ADGRB3: variants seen among roughly 807,000 people sequenced by gnomAD.
The protein encoded by ADGRB3 is adhesion G protein-coupled receptor B3, also known as brain-specific angiogenesis inhibitor 3.
Under a neutral mutation model 193.4 loss-of-function variants are expected in ADGRB3, and 37 were observed. That is an observed-to-expected ratio of 0.19 (90% confidence interval 0.15 to 0.25). The LOEUF is 0.25. Among genes scored for constraint, ADGRB3 ranks in the 10% least tolerant of loss-of-function variants. ADGRB3 has a pLI of 1.00. For synonymous variants in ADGRB3, 690 were observed against 644.2 expected (o/e 1.07, Z -1.08); for missense variants, 1,637 against 1,852.9 (o/e 0.88, Z 2.14).
At chr6:68,838,378 A>G (rs936656474) in intron 3 of ADGRB3, among the ~76,000 whole-genome samples, 3 of 152,210 alleles carry the variant, frequency 2.0e-5, no homozygotes, top group Non-Finnish European at 4.4e-5. Context: ...GCAGCAATTT[A>G]CCTCATTTTC....
intron 3 of ADGRB3, among the ~76,000 whole-genome samples, chr6:68,865,402 C>T (rs762056421): frequency 1.3e-5 from 2 of 152,076 alleles, no homozygotes; most frequent in Non-Finnish European, 2.9e-5. Flanking sequence ...TCTTTCTTGC[C>T]TCACCTCTCT....
chr6:69,247,391 G>A (rs1223488368), intron 20 of ADGRB3, among the ~76,000 whole-genome samples: 2 of 152,088 alleles, frequency 1.3e-5, no homozygotes, highest in African/African-American at 4.8e-5. Context: ...TTCTGGCTTG[G>A]CAACAAGAGC....
At chr6:69,252,822 G>T (rs1766653227) in intron 20 of ADGRB3, among the ~76,000 whole-genome samples, 1 of 151,920 alleles carries the variant, frequency 6.6e-6, no homozygotes, top group Non-Finnish European at 1.5e-5. Flanking sequence ...AAAATAGTTT[G>T]TGTTTATGAC....
At chr6:69,173,186 T>C (rs1775332429) in intron 17 of ADGRB3, among the ~76,000 whole-genome samples, 1 of 152,152 alleles carries the variant, frequency 6.6e-6, no homozygotes, top group African/African-American at 2.4e-5. Flanking sequence ...TATGGGCATG[T>C]ACCACCACGT....
chr6:69,006,332 A>AG (rs1461659247), intron 11 of ADGRB3, among the ~76,000 whole-genome samples: 1 of 151,926 alleles, frequency 6.6e-6, no homozygotes, highest in Non-Finnish European at 1.5e-5. Flanking sequence ...GGAAAAAAAA[A>AG]CGAGATCTAC....
intron 22 of ADGRB3, among the ~76,000 whole-genome samples, 162 bp from the exon 23 acceptor site, chr6:69,330,344 T>C (rs1466004311): frequency 1.3e-5 from 2 of 152,226 alleles, no homozygotes; most frequent in African/African-American, 2.4e-5. Context: ...AATGATATAA[T>C]TCTAGTTTTT....
intron 17 of ADGRB3, 65 bp downstream of exon 17, chr6:69,076,103 A>G: frequency 3.6e-6 from 5 of 1,392,086 alleles, no homozygotes; most frequent in Non-Finnish European, 5.1e-6. Flanking sequence ...AAGTTAGTTC[A>G]GCTGCCTGCT....
At chr6:68,866,037 G>T (rs1021651776) in intron 3 of ADGRB3, among the ~76,000 whole-genome samples, 1 of 152,108 alleles carries the variant, frequency 6.6e-6, no homozygotes, top group Admixed American at 6.6e-5. Flanking sequence ...GAACAATGAG[G>T]GAGGGATCTG....
intron 26 of ADGRB3, among the ~76,000 whole-genome samples, chr6:69,351,824 T>C (rs1561996170): frequency 6.6e-6 from 1 of 152,188 alleles, no homozygotes; most frequent in Non-Finnish European, 1.5e-5. Flanking sequence ...CAGCCAAAAA[T>C]ATTGGTAACT....
intron 17 of ADGRB3, among the ~76,000 whole-genome samples, chr6:69,161,705 G>T (rs1034441325): frequency 1.3e-5 from 2 of 152,106 alleles, no homozygotes; most frequent in Non-Finnish European, 2.9e-5. Flanking sequence ...GGTCTCATTT[G>T]AAGGTTTGAC....
chr6:68,684,768 G>A (rs1419531895), intron 3 of ADGRB3, among the ~76,000 whole-genome samples: 1 of 152,034 alleles, frequency 6.6e-6, no homozygotes, highest in Non-Finnish European at 1.5e-5. Context: ...TAGAACTGGA[G>A]CCATATATCA....
At chr6:68,661,357 G>GTGTATATATATGTGTATACATATATATA (rs1768630120) in intron 3 of ADGRB3, among the ~76,000 whole-genome samples, 1 of 108,272 alleles carries the variant, frequency 9.2e-6, no homozygotes, top group East Asian at 2.4e-4. Context: ...GTGTGTGTGT[G>GTGTATATATATGTGTATACATATATATA]TGTGTGTATA....
At chr6:69,201,227 G>T (rs1765411277) in intron 17 of ADGRB3, among the ~76,000 whole-genome samples, 1 of 151,672 alleles carries the variant, frequency 6.6e-6, no homozygotes, top group African/African-American at 2.4e-5. Context: ...CTCATTTTTT[G>T]AAACACTTTA....
intron 26 of ADGRB3, among the ~76,000 whole-genome samples, chr6:69,348,291 C>A (rs1031308410): frequency 1.3e-5 from 2 of 152,070 alleles, no homozygotes; most frequent in Non-Finnish European, 2.9e-5. Flanking sequence ...TCTGCAGGAT[C>A]CTCACACTGC....
At chr6:69,137,532 C>T (rs1207316726) in intron 17 of ADGRB3, among the ~76,000 whole-genome samples, 1 of 152,114 alleles carries the variant, frequency 6.6e-6, no homozygotes, top group East Asian at 1.9e-4. Flanking sequence ...GGCATGGTGG[C>T]TCATGCCTGT....
At chr6:69,378,871 T>G (rs1275975565) in intron 30 of ADGRB3, among the ~76,000 whole-genome samples, 1 of 152,042 alleles carries the variant, frequency 6.6e-6, no homozygotes, top group Non-Finnish European at 1.5e-5. Context: ...CTCAAATATC[T>G]GAAATATGAT....
intron 3 of ADGRB3, among the ~76,000 whole-genome samples, chr6:68,887,025 A>G (rs189861225): frequency 2.0e-5 from 3 of 151,686 alleles, no homozygotes; most frequent in Admixed American, 2.0e-4. Flanking sequence ...ACTCACCTAA[A>G]AAGATATAGG....
chr6:68,841,925 A>T (rs1768167011), intron 3 of ADGRB3, among the ~76,000 whole-genome samples: 1 of 151,964 alleles, frequency 6.6e-6, no homozygotes, highest in Non-Finnish European at 1.5e-5. Context: ...TACAAAAAAT[A>T]GGAAAAACAA....
chr6:69,109,946 A>ATTT (rs33959992), intron 17 of ADGRB3, among the ~76,000 whole-genome samples: 1 of 129,642 alleles, frequency 7.7e-6, no homozygotes, highest in African/African-American at 2.9e-5. Context: ...GCCTTCTTTA[A>ATTT]TTTTTTTTTT....
Sources: allele counts gnomAD v4.1 joint callset (sites outside exome capture counted in the v4.1 genomes callset), GRCh38; gene constraint gnomAD v4.1.1; transcripts MANE v1.5; gene names NCBI Gene and HGNC (gene_info 2026-07-23, HGNC 2026-07-21).